LPP: variants seen among roughly 807,000 people sequenced by gnomAD.
LPP encodes LIM domain containing preferred translocation partner in lipoma, also known as lipoma-preferred partner.
In LPP, 38 loss-of-function variants were observed where a neutral mutation model predicts 60.4. That is an observed-to-expected ratio of 0.63 (90% CI 0.49 to 0.83). The LOEUF is 0.83. LPP is among the 40% of genes least tolerant of loss of function. The pLI is 0.00. For missense variants in LPP, 902 were observed against 783.6 expected (o/e 1.15, Z -1.80); for synonymous variants, 328 against 290.8 (o/e 1.13, Z -1.30).
intron 6 of LPP, among the ~76,000 whole-genome samples, chr3:188,539,033 C>A (rs1824424417): frequency 6.6e-6 from 1 of 152,078 alleles, no homozygotes; most frequent in Admixed American, 6.6e-5. Flanking sequence ...TACAGAGTGG[C>A]TACTAATGGG....
intron 8 of LPP, among the ~76,000 whole-genome samples, chr3:188,717,988 T>G (rs902055642): frequency 1.3e-5 from 2 of 152,124 alleles, no homozygotes; most frequent in African/African-American, 4.8e-5. Context: ...AGGCTAATTA[T>G]TTTTGTATTT....
chr3:188,377,809 GCT>G (rs1347913085), intron 3 of LPP, among the ~76,000 whole-genome samples: 5 of 152,108 alleles, frequency 3.3e-5, no homozygotes, highest in African/African-American at 9.7e-5. Flanking sequence ...CAGTTTTTCT[GCT>G]CTGTTTTTTT....
chr3:188,245,777 G>A (rs75168057), intron 2 of LPP, among the ~76,000 whole-genome samples: 2,585 of 151,676 alleles, frequency 0.017, 69 homozygotes, highest in African/African-American at 0.057. Flanking sequence ...TACTGAGCTC[G>A]GTGATCCTCC....
At chr3:188,380,605 C>G (rs953551808) in intron 3 of LPP, among the ~76,000 whole-genome samples, 3 of 152,216 alleles carry the variant, frequency 2.0e-5, no homozygotes, top group Admixed American at 1.3e-4. Flanking sequence ...TGTTTCTGAG[C>G]TACTCATGTC....
At chr3:188,243,997 T>C (rs969629447) in intron 2 of LPP, among the ~76,000 whole-genome samples, 1 of 152,162 alleles carries the variant, frequency 6.6e-6, no homozygotes, top group Non-Finnish European at 1.5e-5. Context: ...TGCCTCAGCC[T>C]CCTGAGTAGC....
intron 2 of LPP, among the ~76,000 whole-genome samples, chr3:188,229,033 G>A (rs1431476776): frequency 1.3e-5 from 2 of 152,172 alleles, no homozygotes; most frequent in African/African-American, 2.4e-5. Context: ...TGCCAACATT[G>A]TACCTCTTCC....
Position 188,609,577 on chromosome 3 carries a change from G to A in LPP, c.846G>A (p.Gln282=). 1.2e-6 allele frequency: 2 copies of A among 1,614,176 alleles called. No individual in the cohort carries two copies. Among genetic ancestry groups the A allele is most frequent in the Non-Finnish European group, 1.7e-6 (2 of 1,180,044 alleles). ...CCTACATTCCACCACCAGGACTTCA[G>A]CCGGAGCCTGGGTATGGGTATGCCC... ...DYAYIPPPGL[Q]PEPGYGYAPN... The change falls in exon 7 of 12, where the codon CAG becomes CAA. Residue 282 remains glutamine, a synonymous_variant. Coordinates refer to ENST00000617246, the MANE Select transcript of LPP (RefSeq NM_001375462.1). This position sits in a 1 kb window ranked among gnomAD's most constrained non-coding sequence, Gnocchi z 6.9.
At chr3:188,207,673 G>A (rs542568692) in intron 1 of LPP, among the ~76,000 whole-genome samples, 2 of 147,010 alleles carry the variant, frequency 1.4e-5, no homozygotes, top group African/African-American at 2.5e-5. Flanking sequence ...TCCCAGGCTG[G>A]TCTTGAACTC....
chr3:188,842,781 C>T (rs1760360196), intron 9 of LPP, among the ~76,000 whole-genome samples: 1 of 151,914 alleles, frequency 6.6e-6, no homozygotes, highest in South Asian at 2.1e-4. Context: ...AATTTACATG[C>T]AATGAGATAC....
chr3:188,221,751 G>A (rs1167845944), intron 1 of LPP, among the ~76,000 whole-genome samples: 1 of 152,156 alleles, frequency 6.6e-6, no homozygotes, highest in African/African-American at 2.4e-5. Flanking sequence ...TAGAATTCAG[G>A]AAAGATTTAC....
At chr3:188,870,193 C>T (rs1234803450) in intron 10 of LPP, among the ~76,000 whole-genome samples, 2 of 151,184 alleles carry the variant, frequency 1.3e-5, no homozygotes, top group Non-Finnish European at 2.9e-5. Flanking sequence ...TATAACTTTA[C>T]AATAATCATC....
intron 5 of LPP, among the ~76,000 whole-genome samples, chr3:188,511,196 C>T (rs1388205765): frequency 7.8e-6 from 1 of 128,620 alleles, no homozygotes; most frequent in African/African-American, 2.9e-5. Context: ...CTCTCCCTCC[C>T]TCCTTCCCTC....
intron 7 of LPP, among the ~76,000 whole-genome samples, chr3:188,658,542 C>T (rs145440483): frequency 6.6e-6 from 1 of 152,188 alleles, no homozygotes; most frequent in Non-Finnish European, 1.5e-5. Flanking sequence ...TCACGAAAGA[C>T]ACTCTTGGCT....
chr3:188,318,813 C>T (rs1755995186), intron 2 of LPP, among the ~76,000 whole-genome samples: 2 of 131,230 alleles, frequency 1.5e-5, no homozygotes, highest in African/African-American at 6.1e-5. Context: ...GGCTGGAGTG[C>T]AGTGGCGCGA....
intron 8 of LPP, among the ~76,000 whole-genome samples, chr3:188,754,025 T>G (rs566278146): frequency 6.6e-6 from 1 of 152,338 alleles, no homozygotes; most frequent in South Asian, 2.1e-4. Context: ...TGCTACATTA[T>G]GTAAAGACAG....
chr3:188,191,966 G>A (rs917170225), intron 1 of LPP, among the ~76,000 whole-genome samples: 1 of 152,112 alleles, frequency 6.6e-6, no homozygotes, highest in East Asian at 1.9e-4. Context: ...GAGGAGGTTT[G>A]AGGGTTCCTA....
chr3:188,310,643 A>G (rs1383248240), intron 2 of LPP, among the ~76,000 whole-genome samples: 1 of 152,180 alleles, frequency 6.6e-6, no homozygotes, highest in East Asian at 1.9e-4. Context: ...ACTGTGAAAT[A>G]TGTGAGTTGA....
chr3:188,197,963 C>T (rs894500342), intron 1 of LPP, among the ~76,000 whole-genome samples: 4 of 152,190 alleles, frequency 2.6e-5, no homozygotes, highest in African/African-American at 7.2e-5. Flanking sequence ...CTCGCCCCTA[C>T]CTTTGACCTT....
chr3:188,358,312 T>A (rs1332397235), intron 3 of LPP, among the ~76,000 whole-genome samples: 3 of 152,244 alleles, frequency 2.0e-5, no homozygotes, highest in Admixed American at 6.5e-5. Flanking sequence ...CTATATTGTT[T>A]CCACATGGTG....
Sources: allele counts gnomAD v4.1 joint callset (sites outside exome capture counted in the v4.1 genomes callset), GRCh38; gene constraint gnomAD v4.1.1; non-coding constraint Gnocchi (gnomAD v3.1); transcripts MANE v1.5; gene names NCBI Gene and HGNC (gene_info 2026-07-23, HGNC 2026-07-21).